The following CDH13 variants were observed in gnomAD, a reference collection of about 807,000 sequenced individuals.
The protein encoded by CDH13 is cadherin 13.
CDH13 carries 24 observed loss-of-function variants against 63.8 expected under a neutral mutation model. The ratio of observed to expected loss-of-function variants is 0.38; its 90% CI spans 0.27 to 0.53. The LOEUF (loss-of-function observed/expected upper bound fraction) is 0.53, where lower values mean the gene tolerates loss of function less well. Among genes scored for constraint, CDH13 ranks in the 20% least tolerant of loss-of-function variants. The pLI is 0.85. For missense variants in CDH13, 1,049 were observed against 903.1 expected (o/e 1.16, Z -2.07); for synonymous variants, 503 against 355.3 (o/e 1.42, Z -4.67).
intron 2 of CDH13, among the ~76,000 whole-genome samples, chr16:82,873,810 A>G (rs1031603109): frequency 6.6e-5 from 10 of 152,130 alleles, no homozygotes; most frequent in African/African-American, 1.9e-4. Context: ...GACCCACGAA[A>G]TTTTCAATAT....
chr16:82,715,382 C>A (rs1442854565), intron 1 of CDH13, among the ~76,000 whole-genome samples: 1 of 152,094 alleles, frequency 6.6e-6, no homozygotes, highest in Non-Finnish European at 1.5e-5. Flanking sequence ...AAGGCGGCCC[C>A]GCCCCATGCT....
intron 4 of CDH13, among the ~76,000 whole-genome samples, chr16:83,185,662 A>G (rs2038495079): frequency 6.6e-6 from 1 of 152,096 alleles, no homozygotes; most frequent in Non-Finnish European, 1.5e-5. Flanking sequence ...TCTCCTACTT[A>G]CCTGTTGGTC....
intron 4 of CDH13, among the ~76,000 whole-genome samples, chr16:83,144,685 C>T (rs79499812): frequency 6.6e-6 from 1 of 152,178 alleles, no homozygotes; most frequent in African/African-American, 2.4e-5. Context: ...ATTTTTTTCC[C>T]TGCTCAGGGC....
At chr16:82,970,230 C>T (rs779841845) in intron 2 of CDH13, among the ~76,000 whole-genome samples, 18 of 152,104 alleles carry the variant, frequency 1.2e-4, no homozygotes, top group Non-Finnish European at 2.4e-4. Flanking sequence ...TTTCCAGCTA[C>T]ATCCGTGATC....
intron 6 of CDH13, among the ~76,000 whole-genome samples, chr16:83,482,533 A>T (rs2073795123): frequency 6.6e-6 from 1 of 152,206 alleles, no homozygotes; most frequent in Admixed American, 6.5e-5. Context: ...ATGGAGCCAG[A>T]GTTCCTCGGA....
chr16:83,668,443 G>A (rs769438899), intron 8 of CDH13, among the ~76,000 whole-genome samples: 14 of 152,200 alleles, frequency 9.2e-5, no homozygotes, highest in Non-Finnish European at 1.6e-4. Flanking sequence ...ACATGACAGC[G>A]TTTCTACCTG....
At chr16:83,700,865 G>A (rs562282796) in intron 10 of CDH13, among the ~76,000 whole-genome samples, 14 of 152,294 alleles carry the variant, frequency 9.2e-5, no homozygotes, top group African/African-American at 3.4e-4. Flanking sequence ...ACTACTATCA[G>A]CTTCCTGGGG....
chr16:83,013,115 A>G (rs1371876635), intron 2 of CDH13, among the ~76,000 whole-genome samples: 1 of 152,246 alleles, frequency 6.6e-6, no homozygotes, highest in Non-Finnish European at 1.5e-5. Flanking sequence ...GTGATCAACA[A>G]ACTTATTTTG....
intron 5 of CDH13, among the ~76,000 whole-genome samples, chr16:83,257,166 G>T (rs966584067): frequency 1.3e-5 from 2 of 152,122 alleles, no homozygotes; most frequent in Non-Finnish European, 2.9e-5. Context: ...TAGCATTTGA[G>T]CCTGCTTCCT....
At position 82,717,885 on chromosome 16, in the gene CDH13, T is replaced by G. The variant is rs1019824665; in HGVS notation, c.45+90748T>G. On this transcript the variant is annotated intron_variant, in intron 1 of 13. Transcript: ENST00000567109. ...AGTTAGTGGGGGGGAAGTAGCCAGT[T>G]TATTCCCAAAATGCATGTGTCATCA... Among the ~76,000 whole-genome samples the G allele has an allele frequency of 3.3e-5, 5 of 152,156 alleles. No individual in the cohort carries two copies. The East Asian group carries it at 9.6e-4, about 29-fold the overall frequency.
At chr16:83,562,277 G>A (rs1289311756) in intron 7 of CDH13, among the ~76,000 whole-genome samples, 5 of 152,124 alleles carry the variant, frequency 3.3e-5, no homozygotes, top group Non-Finnish European at 7.4e-5. Context: ...ATCCTTGTCA[G>A]ATAATAAGAA....
intron 1 of CDH13, among the ~76,000 whole-genome samples, chr16:82,741,139 G>C (rs908457449): frequency 2.6e-5 from 4 of 152,042 alleles, no homozygotes; most frequent in Non-Finnish European, 4.4e-5. Flanking sequence ...CCCAAAACTT[G>C]TCCTGTTCAT....
intron 6 of CDH13, among the ~76,000 whole-genome samples, chr16:83,455,562 T>C (rs1449946961): frequency 6.6e-6 from 1 of 152,220 alleles, no homozygotes; most frequent in African/African-American, 2.4e-5. Context: ...CAGCCATTGC[T>C]ACACGTGGCT....
intron 2 of CDH13, among the ~76,000 whole-genome samples, chr16:82,910,669 G>A (rs188080518): frequency 2.6e-5 from 4 of 152,254 alleles, no homozygotes; most frequent in East Asian, 1.9e-4. Flanking sequence ...TAAACAGGCC[G>A]CACAGGTGTT....
intron 8 of CDH13, among the ~76,000 whole-genome samples, chr16:83,649,446 G>T (rs985260743): frequency 6.6e-6 from 1 of 152,174 alleles, no homozygotes; most frequent in Non-Finnish European, 1.5e-5. Context: ...AGAGAGGGTG[G>T]TTGGGCTCAG....
At chr16:83,535,912 A>G (rs1055703173) in intron 7 of CDH13, among the ~76,000 whole-genome samples, 3 of 144,480 alleles carry the variant, frequency 2.1e-5, no homozygotes. Context: ...AAAGGAAAAA[A>G]AGGAAAGAAG....
intron 7 of CDH13, among the ~76,000 whole-genome samples, chr16:83,594,299 C>A (rs1395370454): frequency 1.3e-5 from 2 of 152,192 alleles, no homozygotes; most frequent in Non-Finnish European, 1.5e-5. Flanking sequence ...TTTTAATTCT[C>A]ACGTATCCTA....
intron 2 of CDH13, among the ~76,000 whole-genome samples, chr16:82,907,763 T>G (rs2041696766): frequency 6.6e-6 from 1 of 152,202 alleles, no homozygotes; most frequent in Admixed American, 6.5e-5. Context: ...TGTAGATGAT[T>G]CCTGCATAGC....
intron 1 of CDH13, among the ~76,000 whole-genome samples, chr16:82,800,178 G>T (rs189482954): frequency 3.7e-4 from 56 of 151,998 alleles, no homozygotes; most frequent in Admixed American, 5.9e-4. Context: ...GTTTACTTGG[G>T]GTTAAAATTT....
Sources: allele counts gnomAD v4.1 joint callset (sites outside exome capture counted in the v4.1 genomes callset), GRCh38; gene constraint gnomAD v4.1.1; transcripts MANE v1.5; gene names NCBI Gene and HGNC (gene_info 2026-07-23, HGNC 2026-07-21).